Variants in CACNA2D3 observed in about 807,000 individuals in gnomAD.
CACNA2D3 encodes voltage-dependent calcium channel subunit alpha-2/delta-3.
In CACNA2D3, 60 loss-of-function variants were observed where a neutral mutation model predicts 160.6. The ratio of observed to expected loss-of-function variants is 0.37; its 90% CI spans 0.30 to 0.46. The LOEUF is 0.46. Ranked by LOEUF, CACNA2D3 falls within the 20% of genes least tolerant of loss-of-function variation. The pLI, the probability that CACNA2D3 is intolerant of heterozygous loss-of-function variation, is 1.00. For missense variants in CACNA2D3, 1,205 were observed against 1,365.0 expected, an observed-to-expected ratio of 0.88 and a Z score of 1.85; for synonymous variants, 558 against 492.9, an observed-to-expected ratio of 1.13 and a Z score of -1.75.
intron 26 of CACNA2D3, 135 bp downstream of exon 26, chr3:54,897,005 G>A: frequency 9.0e-7 from 1 of 1,107,058 alleles, no homozygotes; most frequent in Non-Finnish European, 1.3e-6. Flanking sequence ...TGAATATTGG[G>A]TCAGCCCTGA....
At chr3:54,565,507 T>C (rs776284999) in intron 6 of CACNA2D3, among the ~76,000 whole-genome samples, 2 of 152,170 alleles carry the variant, frequency 1.3e-5, no homozygotes, top group African/African-American at 2.4e-5. Flanking sequence ...GTAACTCTCT[T>C]GTGTCTCTCA....
rs374666510 is a variant in CACNA2D3 at position 54,666,726 on chromosome 3, C to T, written c.1167+24485C>T. On this transcript the variant is annotated intron_variant, in intron 11 of 37. Coordinates refer to ENST00000474759, the MANE Select transcript of CACNA2D3 (RefSeq NM_018398.3). ...GTATAGAAAGAAAGGCCTTAAAAGG[C>T]GTTAAACCACGTTTTTCTAAGACAA... Among the ~76,000 whole-genome samples, 5 of 152,272 alleles carry T rather than the reference C, an allele frequency of 3.3e-5. No homozygotes were observed. The South Asian group carries it at 6.2e-4, about 19-fold the overall frequency.
chr3:54,674,840 C>T (rs147605801), intron 11 of CACNA2D3, among the ~76,000 whole-genome samples: 1 of 152,284 alleles, frequency 6.6e-6, no homozygotes, highest in East Asian at 1.9e-4. Context: ...TTGACAATGA[C>T]AATGCCTTGG....
chr3:54,202,420 T>C (rs1165953377), intron 2 of CACNA2D3, among the ~76,000 whole-genome samples: 1 of 152,246 alleles, frequency 6.6e-6, no homozygotes, highest in African/African-American at 2.4e-5. Context: ...AGTTACCACG[T>C]CTTCTTCATG....
intron 9 of CACNA2D3, among the ~76,000 whole-genome samples, chr3:54,588,354 G>T (rs1702800154): frequency 6.6e-6 from 1 of 152,106 alleles, no homozygotes; most frequent in Non-Finnish European, 1.5e-5. Flanking sequence ...AAACCTACAG[G>T]TAACATCAAA....
In CACNA2D3 at chr3:54,478,660, G is replaced by GTGTATGTATA; in HGVS notation, c.382-24831_382-24830insGTATGTATAT. ...AAAATATATATATAAATATGTGTGT[G>GTGTATGTATA]TATATATATATATATATATTGCTTG... On this transcript the variant is annotated intron_variant, in intron 4 of 37. Coordinates refer to ENST00000474759, the MANE Select transcript of CACNA2D3 (RefSeq NM_018398.3). Among the ~76,000 whole-genome samples the GTGTATGTATA allele has an allele frequency of 2.0e-3, 74 of 36,384 alleles. 7 individuals are homozygous for GTGTATGTATA. The highest frequency in any genetic ancestry group is 5.0e-3 in the African/African-American group (70 of 13,876). The allele number at this position is 36,384 out of a possible 152,430, so 23.9% of individuals were successfully genotyped here.
rs57716395 is a variant in CACNA2D3 at position 55,059,525 on chromosome 3, C to T, written c.2988-13920C>T. The stretch of plus-strand genomic sequence containing the variant: ...CATGCAGACGGGCAGGTGCAGGAGC[C>T]GGGGTGGACACTTTTGGGCTCCAGC... On this transcript the variant is annotated intron_variant, in intron 35 of 37. Coordinates refer to ENST00000474759, the MANE Select transcript of CACNA2D3 (RefSeq NM_018398.3). Among the ~76,000 whole-genome samples, 1,391 of 152,230 alleles carry T rather than the reference C, an allele frequency of 9.1e-3. 26 individuals are homozygous for T. Among genetic ancestry groups the T allele is most frequent in the African/African-American group, 0.032 (1,310 of 41,534 alleles).
At chr3:54,649,429 CG>C (rs1002837780) in intron 11 of CACNA2D3, among the ~76,000 whole-genome samples, 11 of 152,302 alleles carry the variant, frequency 7.2e-5, no homozygotes, top group Non-Finnish European at 1.6e-4. Context: ...TACAGAGGCT[CG>C]GGAAATCAGA....
At chr3:54,808,653 G>T (rs1413667211) in intron 13 of CACNA2D3, among the ~76,000 whole-genome samples, 1 of 152,150 alleles carries the variant, frequency 6.6e-6, no homozygotes, top group Non-Finnish European at 1.5e-5. Context: ...GAAGGAAAGG[G>T]GTTAGATAAT....
intron 5 of CACNA2D3, among the ~76,000 whole-genome samples, chr3:54,548,479 T>G (rs1702100950): frequency 6.6e-6 from 1 of 152,200 alleles, no homozygotes; most frequent in South Asian, 2.1e-4. Flanking sequence ...CATTGGCTAT[T>G]TGAAGCTCAG....
intron 2 of CACNA2D3, among the ~76,000 whole-genome samples, chr3:54,175,368 G>A (rs1251639562): frequency 6.6e-6 from 1 of 151,950 alleles, no homozygotes; most frequent in Non-Finnish European, 1.5e-5. Flanking sequence ...TGTAATCCCC[G>A]CGCTTTGGGA....
intron 13 of CACNA2D3, among the ~76,000 whole-genome samples, chr3:54,774,757 C>T (rs1702394040): frequency 6.6e-6 from 1 of 151,066 alleles, no homozygotes; most frequent in South Asian, 2.1e-4. Context: ...GCCTTAGCCT[C>T]CTGAGTAGCT....
chr3:54,868,693 T>C (rs1559610310), intron 17 of CACNA2D3, among the ~76,000 whole-genome samples: 1 of 152,068 alleles, frequency 6.6e-6, no homozygotes, highest in Non-Finnish European at 1.5e-5. Flanking sequence ...CAGAGACATA[T>C]GAATGTGATT....
intron 2 of CACNA2D3, among the ~76,000 whole-genome samples, chr3:54,270,135 G>T (rs1702593096): frequency 6.6e-6 from 1 of 152,166 alleles, no homozygotes; most frequent in Non-Finnish European, 1.5e-5. Context: ...CTCGTGTTCA[G>T]CATTCTCCTC....
Position 54,871,637 on chromosome 3 carries a change from T to C in CACNA2D3, c.1710+15T>C. On this transcript the variant is annotated intron_variant, in intron 18 of 37. Coordinates refer to ENST00000474759, the MANE Select transcript of CACNA2D3 (RefSeq NM_018398.3). ...GAGATGACGTGGTAAGTGATTTGTT[T>C]TCAGGCCTCGTGGAGAAGGACCTGC... 1 of 1,596,648 alleles carries C rather than the reference T, an allele frequency of 6.3e-7. No homozygotes were observed.
chr3:54,127,569 C>T (rs1418026311), intron 2 of CACNA2D3, among the ~76,000 whole-genome samples: 4 of 152,138 alleles, frequency 2.6e-5, no homozygotes, highest in Admixed American at 2.6e-4. Context: ...GTGGGGGAGG[C>T]GCTGTTTTGC....
intron 2 of CACNA2D3, among the ~76,000 whole-genome samples, chr3:54,281,371 C>G (rs1171882141): frequency 1.3e-5 from 2 of 152,158 alleles, no homozygotes; most frequent in Non-Finnish European, 2.9e-5. Context: ...CCGAAAAACA[C>G]AAGGCTACCT....
chr3:54,626,731 G>T, intron 9 of CACNA2D3: 1 of 694,032 alleles, frequency 1.4e-6, no homozygotes, highest in Non-Finnish European at 2.5e-6. Context: ...AAAGGGGTTC[G>T]GAATGCAGTG....
chr3:54,274,262 A>G (rs934534161), intron 2 of CACNA2D3, among the ~76,000 whole-genome samples: 19 of 152,032 alleles, frequency 1.2e-4, no homozygotes, highest in African/African-American at 4.6e-4. Context: ...GTAGAAAGCA[A>G]AACCCCATAA....
Sources: allele counts gnomAD v4.1 joint callset (sites outside exome capture counted in the v4.1 genomes callset), GRCh38; gene constraint gnomAD v4.1.1; transcripts MANE v1.5; gene names NCBI Gene and HGNC (gene_info 2026-07-23, HGNC 2026-07-21).